Variants in NUFIP1 observed in about 807,000 individuals in gnomAD.
The protein encoded by NUFIP1 is nuclear FMR1 interacting protein 1, also known as FMR1-interacting protein NUFIP1.
Under a neutral mutation model 56.2 loss-of-function variants are expected in NUFIP1, and 38 were observed. The observed-to-expected ratio is 0.68, with a 90% CI of 0.52 to 0.89. The LOEUF is 0.89. NUFIP1 is among the 40% of genes least tolerant of loss of function. The probability of loss-of-function intolerance (pLI) is 0.00; values close to 1 mark genes in which losing one functional copy is unlikely to be tolerated. For synonymous variants in NUFIP1, 215 were observed against 212.4 expected, an observed-to-expected ratio of 1.01 and a Z score of -0.10; for missense variants, 567 against 605.8, an observed-to-expected ratio of 0.94 and a Z score of 0.67.
intron 7 of NUFIP1, among the ~76,000 whole-genome samples, chr13:44,958,515 T>C (rs1420905474): frequency 2.0e-5 from 3 of 152,226 alleles, no homozygotes; most frequent in Non-Finnish European, 4.4e-5. Flanking sequence ...TCCATCCTAA[T>C]TCAGTCAACG....
At chr13:44,941,773 A>T (rs557215663) in intron 9 of NUFIP1, among the ~76,000 whole-genome samples, 20 of 152,276 alleles carry the variant, frequency 1.3e-4, no homozygotes, top group African/African-American at 4.8e-4. Context: ...TCGGCATCCC[A>T]AAGTGCTGGG....
intron 6 of NUFIP1, among the ~76,000 whole-genome samples, chr13:44,963,769 T>A (rs1322852039): frequency 6.6e-6 from 1 of 152,236 alleles, no homozygotes; most frequent in East Asian, 1.9e-4. Context: ...TAACATTTTG[T>A]ATAGGATTTT....
intron 9 of NUFIP1, among the ~76,000 whole-genome samples, chr13:44,941,760 G>A (rs1420614410): frequency 6.6e-6 from 1 of 152,076 alleles, no homozygotes; most frequent in South Asian, 2.1e-4. Flanking sequence ...TGATCCACCC[G>A]CCTCGGCATC....
At chr13:44,959,634 G>A (rs1871356039) in intron 6 of NUFIP1, 60 bp from the exon 7 acceptor site, 2 of 1,413,332 alleles carry the variant, frequency 1.4e-6, no homozygotes, top group Non-Finnish European at 1.9e-6. Context: ...AGAAAATTTT[G>A]AAAAAGACTA....
chr13:44,978,080 C>T (rs1038587584), intron 5 of NUFIP1, among the ~76,000 whole-genome samples: 3 of 152,116 alleles, frequency 2.0e-5, no homozygotes, highest in African/African-American at 7.2e-5. Flanking sequence ...GTCCCTTCAC[C>T]CTTATCCAAC....
chr13:44,988,075 A>G (rs1250762808), intron 1 of NUFIP1, among the ~76,000 whole-genome samples: 5 of 152,170 alleles, frequency 3.3e-5, no homozygotes, highest in African/African-American at 1.2e-4. Context: ...TCACCTCCCT[A>G]AAGTCTTCGC....
chr13:44,985,159 C>T (rs538910837), intron 1 of NUFIP1, among the ~76,000 whole-genome samples: 1 of 152,290 alleles, frequency 6.6e-6, no homozygotes, highest in East Asian at 1.9e-4. Flanking sequence ...TTTATAGCTC[C>T]AGCCACAAAT....
intron 7 of NUFIP1, among the ~76,000 whole-genome samples, chr13:44,956,782 C>T (rs953056620): frequency 1.3e-5 from 2 of 152,118 alleles, no homozygotes; most frequent in African/African-American, 2.4e-5. Flanking sequence ...CATGCTTGCT[C>T]GCTGCTCCCC....
intron 6 of NUFIP1, among the ~76,000 whole-genome samples, chr13:44,964,206 C>G (rs1871518175): frequency 6.6e-6 from 1 of 152,050 alleles, no homozygotes. Context: ...AGAACACACA[C>G]AGCACTGACC....
intron 6 of NUFIP1, among the ~76,000 whole-genome samples, chr13:44,963,443 T>C (rs968495432): frequency 6.6e-6 from 1 of 152,228 alleles, no homozygotes; most frequent in Non-Finnish European, 1.5e-5. Flanking sequence ...GACATCCTTA[T>C]CTTGCTTCTA....
rs770435388 is a variant in NUFIP1, at chr13:44,941,238, C to A, written c.1456G>T (p.Asp486Tyr). 1 of 1,606,780 alleles carries A rather than the reference C, an allele frequency of 6.2e-7. No homozygotes were observed. The highest frequency in any genetic ancestry group is 8.5e-7 in the Non-Finnish European group (1 of 1,175,576). Residue 486 changes from aspartate (D) to tyrosine (Y), a missense_variant, in exon 10 of 10, where the codon GAT becomes TAT. Transcript: ENST00000379161. Reference sequence around the variant, plus strand: ...TCTTTACTTTTCGCAGAATTAGTATCCAGTCCAAAAAAGTCTTTTTTGATG... The same window carrying A: ...TCTTTACTTTTCGCAGAATTAGTATACAGTCCAAAAAAGTCTTTTTTGATG... ...YIIKKDFFGL[D>Y]TNSAKSKDV
At chr13:44,972,535 G>A (rs1871841129) in intron 5 of NUFIP1, among the ~76,000 whole-genome samples, 1 of 152,158 alleles carries the variant, frequency 6.6e-6, no homozygotes, top group South Asian at 2.1e-4. Context: ...ATTTTTCCAG[G>A]TGAAGAAACA....
intron 6 of NUFIP1, 62 bp downstream of exon 6, chr13:44,965,782 A>G: frequency 1.2e-6 from 1 of 809,348 alleles, no homozygotes. Context: ...AATTGAGTAC[A>G]TAAGGGTTTT....
chr13:44,962,187 T>G (rs1289727153), intron 6 of NUFIP1, among the ~76,000 whole-genome samples: 2 of 152,176 alleles, frequency 1.3e-5, no homozygotes, highest in Non-Finnish European at 2.9e-5. Context: ...TAAGCACTAG[T>G]TAAAAGGCAA....
chr13:44,980,730 G>A lies in NUFIP1; in HGVS notation c.586C>T (p.His196Tyr). The A allele has an allele frequency of 6.3e-7, 1 of 1,598,174 alleles. No individual in the cohort carries two copies. The change falls in exon 3 of 10, where the codon CAT (histidine) becomes TAT (tyrosine). Residue 196 changes from histidine (H) to tyrosine (Y), a missense_variant. Coordinates refer to ENST00000379161, the MANE Select transcript of NUFIP1 (RefSeq NM_012345.3). ...QEKYDKHMSE[H>Y]TKCPELDCSF... is the part of the protein sequence containing the mutation. ...CAACTAAGAAAACCTACTTTTGTAT[G>A]TTCAGACATGTGTTTGTCATACTTT...
intron 5 of NUFIP1, among the ~76,000 whole-genome samples, chr13:44,971,961 T>C (rs1566062411): frequency 6.6e-6 from 1 of 152,108 alleles, no homozygotes; most frequent in Non-Finnish European, 1.5e-5. Context: ...TAAGCCATGG[T>C]AGTAAGGTTG....
chr13:44,974,206 C>T (rs1410148460), intron 5 of NUFIP1, among the ~76,000 whole-genome samples: 3 of 152,196 alleles, frequency 2.0e-5, no homozygotes, highest in African/African-American at 7.2e-5. Flanking sequence ...CAAGTGTTCA[C>T]TTGCAGACTA....
At chr13:44,960,095 C>A (rs892965550) in intron 6 of NUFIP1, among the ~76,000 whole-genome samples, 6 of 151,696 alleles carry the variant, frequency 4.0e-5, no homozygotes, top group Admixed American at 3.3e-4. Context: ...CCACACCCAG[C>A]TAATTTTTGT....
intron 6 of NUFIP1, among the ~76,000 whole-genome samples, chr13:44,964,379 T>C (rs893432809): frequency 6.6e-6 from 1 of 152,188 alleles, no homozygotes; most frequent in East Asian, 1.9e-4. Context: ...GAATAAACGA[T>C]GGTCTCTATG....
Sources: gnomAD v4.1 joint callset for allele counts (sites outside exome capture counted in the v4.1 genomes callset) on GRCh38, gnomAD v4.1.1 for gene constraint, MANE v1.5 for transcripts, NCBI Gene and HGNC (gene_info 2026-07-23, HGNC 2026-07-21) for gene names.